Variants in CTNNA3 observed in about 807,000 individuals in gnomAD.
The protein encoded by CTNNA3 is catenin alpha 3.
Under a neutral mutation model 95.7 loss-of-function variants are expected in CTNNA3, and 76 were observed. That is an observed-to-expected ratio of 0.79 (90% CI 0.66 to 0.96). The LOEUF is 0.96. Among genes scored for constraint, CTNNA3 ranks in the 40% least tolerant of loss-of-function variants. The pLI is 0.00. For missense variants in CTNNA3, 1,191 were observed against 1,089.8 expected (o/e 1.09, Z -1.31); for synonymous variants, 431 against 374.4 (o/e 1.15, Z -1.74).
chr10:67,302,065 AAGAAAGAAAG>A (rs1840338681), intron 5 of CTNNA3, among the ~76,000 whole-genome samples: 1 of 91,226 alleles, frequency 1.1e-5, no homozygotes, highest in African/African-American at 6.5e-5. Flanking sequence ...GAAAGAAAGA[AAGAAAGAAAG>A]AAAGAAAGAA....
chr10:66,174,215 G>A (rs1183652095), intron 13 of CTNNA3, among the ~76,000 whole-genome samples: 1 of 152,052 alleles, frequency 6.6e-6, no homozygotes, highest in Admixed American at 6.6e-5. Flanking sequence ...CCAAGGCCCA[G>A]GCTCTTATTT....
chr10:67,702,103 C>T (rs987812299), intron 1 of CTNNA3, among the ~76,000 whole-genome samples: 7 of 151,976 alleles, frequency 4.6e-5, no homozygotes, highest in Admixed American at 2.0e-4. Flanking sequence ...GCACCCAATG[C>T]AGGAGCACCC....
At chr10:66,063,130 C>T (rs1281180756) in intron 15 of CTNNA3, among the ~76,000 whole-genome samples, 1 of 151,198 alleles carries the variant, frequency 6.6e-6, no homozygotes, top group Non-Finnish European at 1.5e-5. Flanking sequence ...TAGACCCAGT[C>T]ATTTCAATAT....
chr10:67,036,019 TG>T (rs1854028313), intron 7 of CTNNA3, among the ~76,000 whole-genome samples: 1 of 152,220 alleles, frequency 6.6e-6, no homozygotes, highest in African/African-American at 2.4e-5. Flanking sequence ...AGAGCAATTA[TG>T]TTAACAGTAT....
At chr10:67,580,763 A>G (rs1255941915) in intron 3 of CTNNA3, among the ~76,000 whole-genome samples, 10 of 152,136 alleles carry the variant, frequency 6.6e-5, no homozygotes, top group South Asian at 2.1e-4. Flanking sequence ...CTCCTTGAAG[A>G]GATCCTTCAC....
chr10:66,834,591 C>T (rs146128357), intron 7 of CTNNA3, among the ~76,000 whole-genome samples: 33 of 152,230 alleles, frequency 2.2e-4, no homozygotes, highest in African/African-American at 7.2e-4. Context: ...TCCAATTTAG[C>T]GGAGAACACA....
At position 66,595,823 on chromosome 10, in the gene CTNNA3, A is replaced by T. The variant is rs540643592; in HGVS notation, c.1374+25869T>A. ...AGCTAATTTATTTATTTATTTATTTATTTATTTGTAGAGACGGGTTTCACT... is the reference window on the plus strand; with the variant it reads ...AGCTAATTTATTTATTTATTTATTTTTTTATTTGTAGAGACGGGTTTCACT... On this transcript the variant is annotated intron_variant, in intron 10 of 17. Coordinates refer to ENST00000433211, the MANE Select transcript of CTNNA3 (RefSeq NM_013266.4). 1.1e-4 allele frequency among the ~76,000 whole-genome samples: 16 copies of T among 150,580 alleles called. No individual in the cohort carries two copies. The South Asian group carries it at 2.1e-3, about 20-fold the overall frequency.
chr10:67,363,452 G>A (rs1472274350), intron 5 of CTNNA3, among the ~76,000 whole-genome samples: 2 of 151,474 alleles, frequency 1.3e-5, no homozygotes, highest in Non-Finnish European at 3.0e-5. Context: ...AAATAACTAA[G>A]ATCAGAGCAG....
intron 7 of CTNNA3, among the ~76,000 whole-genome samples, chr10:67,131,065 T>A (rs906404781): frequency 6.6e-6 from 1 of 152,102 alleles, no homozygotes; most frequent in African/African-American, 2.4e-5. Context: ...ATACTTGCAA[T>A]ACCTCTGGGC....
intron 7 of CTNNA3, among the ~76,000 whole-genome samples, chr10:66,983,757 G>A (rs1173138464): frequency 2.6e-5 from 4 of 152,138 alleles, no homozygotes; most frequent in Non-Finnish European, 5.9e-5. Context: ...AGGAAAAAAT[G>A]CAAAGTGGGG....
intron 5 of CTNNA3, among the ~76,000 whole-genome samples, chr10:67,250,181 G>A (rs1866051723): frequency 6.6e-6 from 1 of 151,864 alleles, no homozygotes; most frequent in South Asian, 2.1e-4. Context: ...CCAAAAGACA[G>A]GATTTGTGGG....
chr10:67,451,804 AG>A (rs1846994353), intron 5 of CTNNA3, among the ~76,000 whole-genome samples: 1 of 152,220 alleles, frequency 6.6e-6, no homozygotes, highest in Non-Finnish European at 1.5e-5. Flanking sequence ...AGAAAACCAT[AG>A]GAAATCTCTA....
chr10:67,551,431 G>T (rs977356525), intron 3 of CTNNA3, among the ~76,000 whole-genome samples: 1 of 152,058 alleles, frequency 6.6e-6, no homozygotes, highest in South Asian at 2.1e-4. Context: ...CTCAATAAAA[G>T]CTTGAACTCA....
intron 11 of CTNNA3, among the ~76,000 whole-genome samples, chr10:66,412,868 A>C (rs1050558179): frequency 6.6e-5 from 10 of 152,232 alleles, no homozygotes; most frequent in Non-Finnish European, 1.5e-4. Context: ...ATAGTTTAGG[A>C]AACACTTAGG....
chr10:66,524,136 AT>A (rs1841164920), intron 10 of CTNNA3, among the ~76,000 whole-genome samples: 1 of 18,286 alleles, frequency 5.5e-5, no homozygotes. Context: ...CTCAGGAAAC[AT>A]TTTTCATACT....
At chr10:65,922,570 G>C (rs1292303029) in intron 17 of CTNNA3, among the ~76,000 whole-genome samples, 1 of 152,264 alleles carries the variant, frequency 6.6e-6, no homozygotes, top group East Asian at 1.9e-4. Context: ...ATAGGTTCTA[G>C]GACATGGAAG....
intron 5 of CTNNA3, among the ~76,000 whole-genome samples, chr10:67,408,508 G>T (rs1183643718): frequency 1.3e-5 from 2 of 152,062 alleles, no homozygotes; most frequent in Non-Finnish European, 2.9e-5. Flanking sequence ...TTTAATAAAT[G>T]GTTCTGGGAG....
intron 7 of CTNNA3, among the ~76,000 whole-genome samples, chr10:67,091,788 C>A (rs1484435923): frequency 6.6e-6 from 1 of 151,868 alleles, no homozygotes; most frequent in Admixed American, 6.6e-5. Context: ...AGTAGATGGG[C>A]AACAAGTAGA....
At chr10:66,181,963 T>C (rs1455507477) in intron 13 of CTNNA3, among the ~76,000 whole-genome samples, 1 of 152,326 alleles carries the variant, frequency 6.6e-6, no homozygotes, top group African/African-American at 2.4e-5. Context: ...TGATATCATA[T>C]TGTTCAAACT....
Sources: allele counts gnomAD v4.1 joint callset (sites outside exome capture counted in the v4.1 genomes callset), GRCh38; gene constraint gnomAD v4.1.1; transcripts MANE v1.5; gene names NCBI Gene and HGNC (gene_info 2026-07-23, HGNC 2026-07-21).